Variants in REC114 observed in about 807,000 individuals in gnomAD.
REC114 encodes REC114 meiotic recombination protein, also known as meiotic recombination protein REC114.
Under a neutral mutation model 31.3 loss-of-function variants are expected in REC114, and 27 were observed. The ratio of observed to expected loss-of-function variants is 0.86; its 90% CI spans 0.64 to 1.19. The LOEUF (loss-of-function observed/expected upper bound fraction) is 1.19. Among genes scored for constraint, REC114 ranks in the 50% most tolerant of loss-of-function variants. The pLI, the probability that REC114 is intolerant of heterozygous loss-of-function variation, is 0.00. For missense variants in REC114, 344 were observed against 326.9 expected, an observed-to-expected ratio of 1.05 and a Z score of -0.40; for synonymous variants, 134 against 127.7, an observed-to-expected ratio of 1.05 and a Z score of -0.33.
chr15:73,502,480 A>G (rs551460462), intron 2 of REC114, among the ~76,000 whole-genome samples: 98 of 152,346 alleles, frequency 6.4e-4, no homozygotes, highest in Non-Finnish European at 1.1e-3. Context: ...CATGTATTAC[A>G]TACTGTATTC....
intron 2 of REC114, among the ~76,000 whole-genome samples, chr15:73,488,214 G>A (rs1469708867): frequency 1.3e-5 from 2 of 152,190 alleles, no homozygotes; most frequent in Admixed American, 1.3e-4. Flanking sequence ...GATGGGTGTG[G>A]TAGCCTCAAA....
intron 1 of REC114, among the ~76,000 whole-genome samples, chr15:73,473,537 TA>T (rs1364655677): frequency 1.3e-5 from 2 of 152,212 alleles, no homozygotes; most frequent in African/African-American, 2.4e-5. Context: ...TATTAAAATG[TA>T]ACTAAAAAGT....
intron 1 of REC114, among the ~76,000 whole-genome samples, chr15:73,469,082 G>C (rs762683578): frequency 6.6e-6 from 1 of 152,118 alleles, no homozygotes; most frequent in Non-Finnish European, 1.5e-5. Flanking sequence ...TTTTGTGTTG[G>C]TGTTAGATGG....
intron 2 of REC114, among the ~76,000 whole-genome samples, chr15:73,506,493 A>T (rs1227782581): frequency 6.6e-6 from 1 of 152,248 alleles, no homozygotes; most frequent in African/African-American, 2.4e-5. Context: ...CTGAAGTGCC[A>T]CTAGAAATGA....
chr15:73,443,920 C>T (rs1013709287), intron 1 of REC114, among the ~76,000 whole-genome samples: 4 of 152,174 alleles, frequency 2.6e-5, no homozygotes, highest in African/African-American at 9.7e-5. Context: ...TATTGGGATT[C>T]GGTTCCAGAC....
chr15:73,475,418 T>G lies in REC114; in HGVS notation c.249+1497T>G, dbSNP rs182510454. ...AGATATGATAGTGATCCCATTAGAT[T>G]ATAAGGGGGCTGAAAAATTCCTATC... On this transcript the variant is annotated intron_variant, in intron 2 of 5. Coordinates refer to ENST00000331090, the MANE Select transcript of REC114 (RefSeq NM_001042367.2). Among the ~76,000 whole-genome samples, 77 of 152,276 alleles carry G rather than the reference T, an allele frequency of 5.1e-4. 1 individual carries two copies. Among genetic ancestry groups the G allele is most frequent in the Admixed American group, 4.5e-3 (69 of 15,298 alleles).
chr15:73,514,058 G>C (rs1177822053), intron 2 of REC114, among the ~76,000 whole-genome samples: 1 of 152,180 alleles, frequency 6.6e-6, no homozygotes, highest in African/African-American at 2.4e-5. Flanking sequence ...CTGCTGCCTT[G>C]CAGTTTGATC....
intron 3 of REC114, among the ~76,000 whole-genome samples, chr15:73,544,334 G>A (rs1343101476): frequency 1.3e-5 from 2 of 152,050 alleles, no homozygotes; most frequent in African/African-American, 4.8e-5. Flanking sequence ...ATGCATCTTG[G>A]CTTGGATAAC....
chr15:73,474,578 T>C (rs1207711897), intron 2 of REC114, among the ~76,000 whole-genome samples: 1 of 152,174 alleles, frequency 6.6e-6, no homozygotes, highest in African/African-American at 2.4e-5. Flanking sequence ...GGGGTCTACA[T>C]TGACATAAAT....
At chr15:73,491,820 AAC>A (rs1893452085) in intron 2 of REC114, among the ~76,000 whole-genome samples, 1 of 152,080 alleles carries the variant, frequency 6.6e-6, no homozygotes, top group Non-Finnish European at 1.5e-5. Context: ...GAATCGCTTG[AAC>A]CTGGGAGGCG....
intron 3 of REC114, 58 bp from the exon 4 acceptor site, chr15:73,550,880 C>T (rs991896534): frequency 2.6e-6 from 4 of 1,547,218 alleles, no homozygotes; most frequent in Non-Finnish European, 3.6e-6. Context: ...TGGAAGACCC[C>T]AAAGTAAATA....
chr15:73,463,870 TTAAC>T (rs975509357), intron 1 of REC114, among the ~76,000 whole-genome samples: 1 of 152,140 alleles, frequency 6.6e-6, no homozygotes, highest in Admixed American at 6.5e-5. Flanking sequence ...GTTTTTGTTT[TTAAC>T]TAGAAGCTTT....
chr15:73,508,675 A>G (rs1346077289), intron 2 of REC114, among the ~76,000 whole-genome samples: 15 of 140,296 alleles, frequency 1.1e-4, no homozygotes, highest in Non-Finnish European at 1.8e-4. Context: ...ATTCCCACCT[A>G]TGAGTGAGAA....
At chr15:73,551,997 T>G (rs1337119400) in intron 4 of REC114, among the ~76,000 whole-genome samples, 2 of 152,248 alleles carry the variant, frequency 1.3e-5, no homozygotes, top group Non-Finnish European at 2.9e-5. Flanking sequence ...TGTGTCAATA[T>G]TTGAAAGACA....
intron 2 of REC114, among the ~76,000 whole-genome samples, chr15:73,517,083 A>G (rs542977739): frequency 6.7e-4 from 102 of 152,218 alleles, no homozygotes; most frequent in Non-Finnish European, 1.4e-3. Context: ...CCCCTGTCTT[A>G]AGAGGTTTCA....
At chr15:73,458,263 A>G (rs759647452) in intron 1 of REC114, among the ~76,000 whole-genome samples, 1 of 152,208 alleles carries the variant, frequency 6.6e-6, no homozygotes, top group Non-Finnish European at 1.5e-5. Context: ...TCTCATTACC[A>G]TCTTATAGAC....
chr15:73,445,456 T>A (rs1210480297), intron 1 of REC114, among the ~76,000 whole-genome samples: 1 of 152,240 alleles, frequency 6.6e-6, no homozygotes, highest in Non-Finnish European at 1.5e-5. Context: ...TTTAATTTCC[T>A]TTAAGAACTT....
intron 1 of REC114, among the ~76,000 whole-genome samples, chr15:73,448,937 G>A (rs1892804351): frequency 6.6e-6 from 1 of 152,084 alleles, no homozygotes; most frequent in African/African-American, 2.4e-5. Flanking sequence ...CAAACAGAAA[G>A]GAATAGTATC....
intron 2 of REC114, among the ~76,000 whole-genome samples, chr15:73,530,164 A>C (rs1894058236): frequency 5.3e-5 from 8 of 152,234 alleles, no homozygotes. Context: ...AGTGTGGAAT[A>C]GGTACTTTGA....
Sources: gnomAD v4.1 joint callset for allele counts (sites outside exome capture counted in the v4.1 genomes callset) on GRCh38, gnomAD v4.1.1 for gene constraint, MANE v1.5 for transcripts, NCBI Gene and HGNC (gene_info 2026-07-23, HGNC 2026-07-21) for gene names.